The following SH3RF1 variants were observed in gnomAD, a reference collection of about 807,000 sequenced individuals.
The protein encoded by SH3RF1 is SH3 domain containing ring finger 1.
Under a neutral mutation model 74.0 loss-of-function variants are expected in SH3RF1, and 32 were observed. The ratio of observed to expected loss-of-function variants is 0.43; its 90% CI spans 0.33 to 0.58. The LOEUF (loss-of-function observed/expected upper bound fraction) is 0.58, where lower values mean the gene tolerates loss of function less well. Ranked by LOEUF, SH3RF1 falls within the 20% of genes least tolerant of loss-of-function variation. The pLI is 0.05. For synonymous variants in SH3RF1, 396 were observed against 439.6 expected, an observed-to-expected ratio of 0.90 and a Z score of 1.24; for missense variants, 954 against 1,130.9, an observed-to-expected ratio of 0.84 and a Z score of 2.24.
At chr4:169,223,365 G>A (rs1730599471) in intron 2 of SH3RF1, among the ~76,000 whole-genome samples, 1 of 152,196 alleles carries the variant, frequency 6.6e-6, no homozygotes, top group Non-Finnish European at 1.5e-5. Flanking sequence ...CAAGATCAGA[G>A]AAGGCAATGT....
At chr4:169,244,192 C>T (rs1316579806) in intron 2 of SH3RF1, among the ~76,000 whole-genome samples, 1 of 152,194 alleles carries the variant, frequency 6.6e-6, no homozygotes, top group Non-Finnish European at 1.5e-5. Context: ...TGTTCTCATA[C>T]ATGTTATTTC....
intron 2 of SH3RF1, among the ~76,000 whole-genome samples, chr4:169,251,701 C>G (rs191308932): frequency 6.6e-6 from 1 of 152,288 alleles, no homozygotes; most frequent in East Asian, 1.9e-4. Context: ...ATCAGCAATG[C>G]AGAGTGACCT....
chr4:169,140,197 A>C (rs546786313), intron 4 of SH3RF1, among the ~76,000 whole-genome samples: 2 of 152,322 alleles, frequency 1.3e-5, no homozygotes, highest in South Asian at 4.1e-4. Flanking sequence ...CAGAAACATA[A>C]AGCAGCTTTT....
intron 2 of SH3RF1, among the ~76,000 whole-genome samples, chr4:169,267,857 G>A (rs756809387): frequency 2.2e-4 from 34 of 152,176 alleles, no homozygotes; most frequent in Non-Finnish European, 3.1e-4. Context: ...TTCTCATCTA[G>A]ATTAATTGTT....
chr4:169,213,207 G>A (rs1730409151), intron 2 of SH3RF1, among the ~76,000 whole-genome samples: 1 of 152,208 alleles, frequency 6.6e-6, no homozygotes, highest in East Asian at 1.9e-4. Flanking sequence ...AGTGTTGTCA[G>A]TGTTCTGGAT....
chr4:169,197,610 G>A (rs1734835900), intron 2 of SH3RF1, among the ~76,000 whole-genome samples: 2 of 108,354 alleles, frequency 1.8e-5, no homozygotes, highest in Non-Finnish European at 3.6e-5. Context: ...GGCGACAAAA[G>A]CAAGACTCTG....
At position 169,136,612 on chromosome 4, in the gene SH3RF1, C is replaced by A; in HGVS notation, c.774G>T (p.Ser258=). The A allele has an allele frequency of 6.7e-7, 1 of 1,501,454 alleles. No individual in the cohort carries two copies. The allele number at this position is 1,501,454 out of a possible 1,614,324, so 93.0% of individuals were successfully genotyped here. The change falls in exon 5 of 12, where the codon TCG becomes TCT. Residue 258 remains serine (S), a synonymous_variant. Coordinates refer to ENST00000284637, the MANE Select transcript of SH3RF1 (RefSeq NM_020870.4). ...CCCATTCTATCAGCTGCTTAGCAGC[C>A]GAGTTAAACTGCAAAAGCAACCAAC... is the stretch of plus-strand genomic sequence containing the variant. ...IFPISYVEFN[S]AAKQLIEWDK...
chr4:169,111,697 T>C (rs545293244), intron 10 of SH3RF1, among the ~76,000 whole-genome samples: 2 of 152,318 alleles, frequency 1.3e-5, no homozygotes, highest in Admixed American at 6.5e-5. Flanking sequence ...AATATGAAGT[T>C]AGCAGTATGT....
At chr4:169,190,534 C>A (rs1467919652) in intron 2 of SH3RF1, among the ~76,000 whole-genome samples, 1 of 151,742 alleles carries the variant, frequency 6.6e-6, no homozygotes, top group African/African-American at 2.4e-5. Context: ...GAATTAGATA[C>A]CCTGAACAGA....
intron 2 of SH3RF1, among the ~76,000 whole-genome samples, chr4:169,164,470 A>G (rs1307351007): frequency 6.6e-6 from 1 of 152,230 alleles, no homozygotes; most frequent in Non-Finnish European, 1.5e-5. Flanking sequence ...GTAGACTGCT[A>G]ATCCATCTTT....
At chr4:169,100,176 T>C (rs922641115) in intron 11 of SH3RF1, among the ~76,000 whole-genome samples, 5 of 152,120 alleles carry the variant, frequency 3.3e-5, no homozygotes, top group Non-Finnish European at 7.4e-5. Context: ...CTTTTCTTTA[T>C]ATGAACAGGG....
At chr4:169,121,036 TC>T in intron 7 of SH3RF1, 47 bp from the exon 8 acceptor site, 1 of 1,492,748 alleles carries the variant, frequency 6.7e-7, no homozygotes, top group Non-Finnish European at 9.3e-7. Flanking sequence ...AACAGACAAA[TC>T]CCAAGATGCT....
At chr4:169,221,887 T>G (rs1477644578) in intron 2 of SH3RF1, among the ~76,000 whole-genome samples, 1 of 152,186 alleles carries the variant, frequency 6.6e-6, no homozygotes, top group Non-Finnish European at 1.5e-5. Context: ...TAAGCTAAAG[T>G]ATAACCTTTT....
At chr4:169,167,789 T>C (rs1410785307) in intron 2 of SH3RF1, among the ~76,000 whole-genome samples, 2 of 152,080 alleles carry the variant, frequency 1.3e-5, no homozygotes, top group African/African-American at 2.4e-5. Flanking sequence ...AGGTGTTAGT[T>C]ATCCTGGTGT....
intron 2 of SH3RF1, among the ~76,000 whole-genome samples, chr4:169,181,376 C>A (rs1007925992): frequency 6.6e-6 from 1 of 151,198 alleles, no homozygotes; most frequent in Non-Finnish European, 1.5e-5. Context: ...GATTCTCCTG[C>A]CTCAGCCTCC....
intron 5 of SH3RF1, among the ~76,000 whole-genome samples, chr4:169,132,223 C>T (rs546875827): frequency 6.6e-6 from 1 of 152,342 alleles, no homozygotes; most frequent in Non-Finnish European, 1.5e-5. Flanking sequence ...AATACAACTT[C>T]CTGGGCCTGA....
chr4:169,156,622 C>G lies in SH3RF1; in HGVS notation c.451G>C (p.Gly151Arg). The G allele has an allele frequency of 1.2e-6, 2 of 1,613,858 alleles. No homozygotes were observed. The change falls in exon 3 of 12, where the codon GGA (glycine) becomes CGA (arginine). Residue 151 changes from glycine (G) to arginine (R), a missense_variant. Gly to Arg is a moderately radical substitution (Grantham distance 125, BLOSUM62 -2). Transcript: ENST00000284637. Reference protein sequence around the residue: ...ALYNYEGKEPGDLKFSKGDII... With the variant: ...ALYNYEGKEPRDLKFSKGDII... ...TCACCTTTGCTGAATTTAAGGTCTC[C>G]AGGCTCTTTTCCTTCATAGTTGTAT... is the stretch of plus-strand genomic sequence containing the variant.
At chr4:169,211,987 T>A (rs1029308010) in intron 2 of SH3RF1, among the ~76,000 whole-genome samples, 3 of 152,044 alleles carry the variant, frequency 2.0e-5, no homozygotes, top group African/African-American at 7.2e-5. Context: ...CTTAGTTTTT[T>A]GTTAATAATG....
chr4:169,152,740 A>C lies in SH3RF1; in HGVS notation c.765+2740T>G, dbSNP rs528126581. 7.9e-5 allele frequency among the ~76,000 whole-genome samples: 12 copies of C among 152,328 alleles called. No homozygotes were observed. The South Asian group carries it at 2.3e-3, about 29-fold the overall frequency. On this transcript the variant is annotated intron_variant, in intron 4 of 11. Transcript: ENST00000284637. ...CAACAAGAGCGAAACTCTATCTCAA[A>C]AAATAAAAAAGGAGATTTGTTTGCA... is the stretch of plus-strand genomic sequence containing the variant.
Sources: gnomAD v4.1 joint callset for allele counts (sites outside exome capture counted in the v4.1 genomes callset) on GRCh38, gnomAD v4.1.1 for gene constraint, MANE v1.5 for transcripts, NCBI Gene and HGNC (gene_info 2026-07-23, HGNC 2026-07-21) for gene names.